KPNA1: variants seen among roughly 807,000 people sequenced by gnomAD.
KPNA1 encodes importin subunit alpha-5.
In KPNA1, 10 loss-of-function variants were observed where a neutral mutation model predicts 70.5. The observed-to-expected ratio is 0.14, with a 90% CI of 0.09 to 0.24. KPNA1 has a LOEUF of 0.24. Among genes scored for constraint, KPNA1 ranks in the 10% least tolerant of loss-of-function variants. KPNA1 has a pLI of 1.00. For missense variants in KPNA1, 397 were observed against 637.9 expected, an observed-to-expected ratio of 0.62 and a Z score of 4.07; for synonymous variants, 192 against 221.9, an observed-to-expected ratio of 0.87 and a Z score of 1.20.
At chr3:122,488,134 TA>T (rs961869374) in intron 2 of KPNA1, among the ~76,000 whole-genome samples, 4 of 152,156 alleles carry the variant, frequency 2.6e-5, no homozygotes, top group Non-Finnish European at 4.4e-5. Flanking sequence ...GTAACTCCTA[TA>T]AAAGTAATGG....
intron 1 of KPNA1, among the ~76,000 whole-genome samples, chr3:122,510,369 G>A (rs1231391754): frequency 1.3e-5 from 2 of 152,176 alleles, no homozygotes; most frequent in Non-Finnish European, 2.9e-5. Context: ...GGCCTAGAAA[G>A]TAACCAGTCC....
chr3:122,457,649 C>T, intron 5 of KPNA1: 1 of 1,188,912 alleles, frequency 8.4e-7, no homozygotes, highest in Non-Finnish European at 1.1e-6. Flanking sequence ...TCTCTCTTCC[C>T]TTTCTTAGTC....
At chr3:122,487,267 T>C (rs551420673) in intron 2 of KPNA1, among the ~76,000 whole-genome samples, 52 of 152,294 alleles carry the variant, frequency 3.4e-4, no homozygotes, top group Admixed American at 1.4e-3. Context: ...TATGAAAAGA[T>C]GCTCAACATC....
At chr3:122,498,876 A>AT (rs1393639651) in intron 1 of KPNA1, among the ~76,000 whole-genome samples, 1 of 152,206 alleles carries the variant, frequency 6.6e-6, no homozygotes, top group African/African-American at 2.4e-5. Flanking sequence ...TCTTCCACTT[A>AT]TTTAAGATAG....
chr3:122,468,124 T>C (rs2076401670), intron 2 of KPNA1, among the ~76,000 whole-genome samples: 2 of 152,218 alleles, frequency 1.3e-5, no homozygotes, highest in African/African-American at 4.8e-5. Context: ...AAAATAATGT[T>C]TCAGCCATTG....
chr3:122,483,594 C>G (rs1423145135), intron 2 of KPNA1, among the ~76,000 whole-genome samples: 1 of 152,202 alleles, frequency 6.6e-6, no homozygotes, highest in Middle Eastern at 3.2e-3. Flanking sequence ...ATCCACCCGC[C>G]TCAGCCTCCC....
At chr3:122,504,649 CGT>C (rs931988313) in intron 1 of KPNA1, among the ~76,000 whole-genome samples, 1 of 151,990 alleles carries the variant, frequency 6.6e-6, no homozygotes, top group African/African-American at 2.4e-5. Flanking sequence ...TGTGTGTGTG[CGT>C]GTGTCTGCGC....
chr3:122,506,281 T>C (rs2076889228), intron 1 of KPNA1, among the ~76,000 whole-genome samples: 1 of 152,216 alleles, frequency 6.6e-6, no homozygotes, highest in South Asian at 2.1e-4. Context: ...CATAATTTTA[T>C]TAGAAAGTAT....
intron 1 of KPNA1, among the ~76,000 whole-genome samples, chr3:122,505,445 A>G (rs1260198749): frequency 1.3e-5 from 2 of 152,260 alleles, no homozygotes; most frequent in African/African-American, 2.4e-5. Context: ...ATAAATCTCT[A>G]TGTCTGTAAT....
Position 122,427,138 on chromosome 3 carries a change from T to C in KPNA1, c.1464A>G (p.Glu488=), listed in dbSNP as rs928605418. The change falls in exon 14 of 14, where the codon GAA becomes GAG. Residue 488 remains glutamate (E), a synonymous_variant. Transcript: ENST00000344337. ...LDKIEFLQSH[E]NQEIYQKAFD... is the part of the protein sequence containing the mutation. ...AGGCCTTTTGGTAGATCTCCTGGTT[T>C]TCATGACTCTGTAAGAACTCAATTT... 1.1e-5 allele frequency: 17 copies of C among 1,613,932 alleles called. No homozygotes were observed. In the African/African-American group the frequency reaches 2.1e-4, roughly 20 times the overall value.
At chr3:122,484,127 T>A (rs2076602623) in intron 2 of KPNA1, among the ~76,000 whole-genome samples, 1 of 152,220 alleles carries the variant, frequency 6.6e-6, no homozygotes. Flanking sequence ...ATATGTAGTA[T>A]ATATGCTATT....
At chr3:122,432,939 G>A (rs1424014158) in intron 12 of KPNA1, 4 of 152,238 alleles carry the variant, frequency 2.6e-5, no homozygotes, top group African/African-American at 9.7e-5. Context: ...AAATTAGCTG[G>A]GTGTGGTGGC....
chr3:122,454,011 T>C lies in KPNA1; in HGVS notation c.433-10A>G, dbSNP rs762273560. 1.9e-6 allele frequency: 3 copies of C among 1,549,346 alleles called. No individual in the cohort carries two copies. Among genetic ancestry groups the C allele is most frequent in the Non-Finnish European group, 2.6e-6 (3 of 1,142,272 alleles). On this transcript the variant is annotated splice_polypyrimidine_tract_variant and intron_variant, in intron 5 of 13. Coordinates refer to ENST00000344337, the MANE Select transcript of KPNA1 (RefSeq NM_002264.4). ...CCCAAGCTGATTCAAACTATAAAGA[T>C]AAAAATAATTTTCATTATCTTTTTA...
Position 122,464,005 on chromosome 3 carries a change from A to T in KPNA1, c.274T>A (p.Phe92Ile). The T allele has an allele frequency of 6.2e-7, 1 of 1,606,938 alleles. No homozygotes were observed. Among genetic ancestry groups the T allele is most frequent in the Non-Finnish European group, 8.5e-7 (1 of 1,175,902 alleles). Residue 92 changes from phenylalanine to isoleucine, a missense_variant, in exon 4 of 14, where the codon TTT (phenylalanine) becomes ATT (isoleucine). Transcript: ENST00000344337. ...VITSDMIEMI[F>I]SKSPEQQLSA... The stretch of plus-strand genomic sequence containing the variant: ...AGCTGTTGCTCTGGGCTTTTGGAAA[A>T]TATCATTTCAATCATGTCAGAAGTG...
At chr3:122,446,676 C>G (rs966572018) in intron 9 of KPNA1, among the ~76,000 whole-genome samples, 6 of 152,046 alleles carry the variant, frequency 3.9e-5, no homozygotes, top group Non-Finnish European at 7.4e-5. Context: ...AAGATCAGAG[C>G]AGAACTGAAA....
chr3:122,437,391 C>A, intron 10 of KPNA1, 96 bp from the exon 11 acceptor site: 3 of 856,304 alleles, frequency 3.5e-6, no homozygotes, highest in Non-Finnish European at 5.1e-6. Flanking sequence ...TAACATCTCC[C>A]CTTGAAATTT....
At chr3:122,447,773 T>C (rs1042631436) in intron 9 of KPNA1, among the ~76,000 whole-genome samples, 1 of 152,152 alleles carries the variant, frequency 6.6e-6, no homozygotes, top group African/African-American at 2.4e-5. Flanking sequence ...TTTAGAAAAC[T>C]CCATCGTCTC....
chr3:122,434,960 T>G (rs2075965131), intron 11 of KPNA1, among the ~76,000 whole-genome samples: 1 of 152,158 alleles, frequency 6.6e-6, no homozygotes, highest in African/African-American at 2.4e-5. Context: ...ACAAAATGCT[T>G]TCCTGGTCAA....
intron 9 of KPNA1, among the ~76,000 whole-genome samples, chr3:122,445,924 A>G (rs930275652): frequency 2.0e-5 from 3 of 152,226 alleles, no homozygotes; most frequent in African/African-American, 7.2e-5. Flanking sequence ...AGAGACAAAG[A>G]AAGCCATTAC....
Sources: allele counts gnomAD v4.1 joint callset (sites outside exome capture counted in the v4.1 genomes callset), GRCh38; gene constraint gnomAD v4.1.1; transcripts MANE v1.5; gene names NCBI Gene and HGNC (gene_info 2026-07-23, HGNC 2026-07-21).